Variants in AKR1C8 observed in about 807,000 individuals in gnomAD.
The protein encoded by AKR1C8 is aldo-keto reductase family 1 member C8, also known as aldo-keto reductase family 1 member C-like protein 1.
chr10:5,142,805 G>A, the AKR1C8 span, among the ~76,000 whole-genome samples: 1 of 152,002 alleles, frequency 6.6e-6, no homozygotes, highest in African/African-American at 2.4e-5. Flanking sequence ...TTGAAATATT[G>A]CAAAAATTAC....
the AKR1C8 span, among the ~76,000 whole-genome samples, chr10:5,177,730 T>G: frequency 3.3e-5 from 5 of 152,314 alleles, no homozygotes; most frequent in African/African-American, 7.2e-5. Context: ...GTCGAGGAAT[T>G]TATCCATTTC....
the AKR1C8 span, among the ~76,000 whole-genome samples, chr10:5,116,319 G>A: frequency 0.078 from 11,873 of 151,946 alleles, 551 homozygotes; most frequent in African/African-American, 0.11. Context: ...TGTGTCTCCC[G>A]GTGGCAGCGT....
chr10:5,129,622 T>C, the AKR1C8 span, among the ~76,000 whole-genome samples: 1 of 151,936 alleles, frequency 6.6e-6, no homozygotes, highest in Non-Finnish European at 1.5e-5. Context: ...CAAAAAATCA[T>C]TCAAGACAAC....
At chr10:5,139,971 CA>C in the AKR1C8 span, among the ~76,000 whole-genome samples, 1 of 152,092 alleles carries the variant, frequency 6.6e-6, no homozygotes, top group Non-Finnish European at 1.5e-5. Flanking sequence ...ACAACCTCAT[CA>C]AAAAGTGGGC....
the AKR1C8 span, among the ~76,000 whole-genome samples, chr10:5,119,172 G>A: frequency 2.0e-5 from 3 of 152,012 alleles, no homozygotes; most frequent in East Asian, 5.8e-4. Flanking sequence ...AACAATGTTT[G>A]GCACACAATG....
chr10:5,120,617 A>G, the AKR1C8 span, among the ~76,000 whole-genome samples: 1 of 152,136 alleles, frequency 6.6e-6, no homozygotes, highest in Non-Finnish European at 1.5e-5. Flanking sequence ...AGACAAGTCT[A>G]AACACTCTCA....
the AKR1C8 span, among the ~76,000 whole-genome samples, chr10:5,124,363 G>A: frequency 1.3e-5 from 2 of 152,118 alleles, no homozygotes; most frequent in African/African-American, 2.4e-5. Context: ...TCCACTGATG[G>A]TGATTATTGC....
chr10:5,121,473 TGA>T, the AKR1C8 span, among the ~76,000 whole-genome samples: 1 of 151,958 alleles, frequency 6.6e-6, no homozygotes, highest in East Asian at 1.9e-4. Context: ...GCTGAGAAAA[TGA>T]GAGTTGTGAC....
the AKR1C8 span, among the ~76,000 whole-genome samples, chr10:5,156,888 G>A: frequency 2.0e-5 from 3 of 152,230 alleles, no homozygotes; most frequent in Non-Finnish European, 4.4e-5. Flanking sequence ...ATTTTAAAAT[G>A]AGAAACAGCT....
At chr10:5,162,105 A>G in the AKR1C8 span, 1 of 390,384 alleles carries the variant, frequency 2.6e-6, no homozygotes, top group Non-Finnish European at 5.1e-6. Flanking sequence ...CTGGGACTAA[A>G]CATATGTTAC....
chr10:5,175,681 G>C, the AKR1C8 span, among the ~76,000 whole-genome samples: 1 of 152,324 alleles, frequency 6.6e-6, no homozygotes, highest in East Asian at 1.9e-4. Context: ...ACTGGTGTGA[G>C]ATGGTATCTC....
chr10:5,177,520 T>A, the AKR1C8 span, among the ~76,000 whole-genome samples: 1 of 152,200 alleles, frequency 6.6e-6, no homozygotes, highest in South Asian at 2.1e-4. Context: ...GCTTCCTTCT[T>A]TTTCTATTGA....
the AKR1C8 span, chr10:5,123,938 T>A: frequency 5.2e-5 from 56 of 1,078,700 alleles, no homozygotes; most frequent in Non-Finnish European, 7.1e-5. Flanking sequence ...AAATTTGAAC[T>A]GACAATATTA....
At chr10:5,117,309 C>G in the AKR1C8 span, among the ~76,000 whole-genome samples, 3 of 151,984 alleles carry the variant, frequency 2.0e-5, no homozygotes, top group Admixed American at 1.3e-4. Context: ...ATAACAAGAC[C>G]TATTTGTACA....
At chr10:5,169,540 CA>C in the AKR1C8 span, among the ~76,000 whole-genome samples, 6 of 77,774 alleles carry the variant, frequency 7.7e-5, no homozygotes, top group Non-Finnish European at 3.1e-5. Flanking sequence ...ACAGAAGTAA[CA>C]TTTTTTTTCT....
chr10:5,126,316 A>G, the AKR1C8 span, among the ~76,000 whole-genome samples: 586 of 152,288 alleles, frequency 3.8e-3, 4 homozygotes, highest in African/African-American at 0.013. Context: ...CATGAGAGGC[A>G]GTCACAATTT....
the AKR1C8 span, among the ~76,000 whole-genome samples, chr10:5,143,017 T>C: frequency 2.3e-3 from 355 of 152,164 alleles, 4 homozygotes; most frequent in African/African-American, 8.1e-3. Flanking sequence ...ATATATCAAG[T>C]GTAACCGTTA....
the AKR1C8 span, among the ~76,000 whole-genome samples, chr10:5,144,305 C>T: frequency 2.0e-4 from 31 of 152,106 alleles, no homozygotes; most frequent in East Asian, 3.9e-4. Flanking sequence ...AGTCAGGTAG[C>T]GTGATGCCTC....
the AKR1C8 span, among the ~76,000 whole-genome samples, chr10:5,126,942 G>C: frequency 6.6e-6 from 1 of 151,920 alleles, no homozygotes; most frequent in Non-Finnish European, 1.5e-5. Context: ...AGAAAAACAG[G>C]GAAATCAAAA....
Sources: allele counts gnomAD v4.1 joint callset (sites outside exome capture counted in the v4.1 genomes callset), GRCh38; gene constraint gnomAD v4.1.1; transcripts MANE v1.5; gene names NCBI Gene and HGNC (gene_info 2026-07-23, HGNC 2026-07-21).